Variants in ABCB5 observed in about 807,000 individuals in gnomAD.
The protein encoded by ABCB5 is ATP-binding cassette sub-family B member 5.
In ABCB5, 155 loss-of-function variants were observed where a neutral mutation model predicts 144.2. The observed-to-expected ratio is 1.08, with a 90% CI of 0.94 to 1.23. The LOEUF is 1.23. Ranked by LOEUF, ABCB5 falls within the 50% of genes most tolerant of loss-of-function variation. The pLI is 0.00. For synonymous variants in ABCB5, 610 were observed against 528.6 expected, an observed-to-expected ratio of 1.15 and a Z score of -2.11; for missense variants, 1,830 against 1,520.8, an observed-to-expected ratio of 1.20 and a Z score of -3.38.
At chr7:20,638,358 T>A (rs963208920) in intron 5 of ABCB5, among the ~76,000 whole-genome samples, 3 of 151,556 alleles carry the variant, frequency 2.0e-5, no homozygotes, top group Non-Finnish European at 4.4e-5. Context: ...ATTTTTAATA[T>A]CTTTGTTGAT....
chr7:20,639,585 C>T (rs1209209799), intron 5 of ABCB5, among the ~76,000 whole-genome samples: 1 of 152,122 alleles, frequency 6.6e-6, no homozygotes, highest in African/African-American at 2.4e-5. Context: ...TGTCCCAGAA[C>T]CATTTGTTGA....
In ABCB5 at chr7:20,650,111, G is replaced by A. The variant is rs139633934; in HGVS notation, c.1296G>A (p.Gln432=). The change falls in exon 12 of 28, where the codon CAG becomes CAA. Residue 432 remains glutamine, a synonymous_variant. Transcript: ENST00000404938. ...GCAGTGGGAAGAGTACGGTAGTCCA[G>A]CTTCTGCAGAGGTTATATGATCCGG... ...LNGSGKSTVV[Q]LLQRLYDPDD... is the part of the protein sequence containing the mutation. 1.3e-3 allele frequency: 2,057 copies of A among 1,613,646 alleles called. 4 individuals carry two copies. The highest frequency in any genetic ancestry group is 2.2e-3 in the Admixed American group (130 of 59,984).
intron 4 of ABCB5, among the ~76,000 whole-genome samples, chr7:20,629,916 A>G (rs1042297148): frequency 6.6e-6 from 1 of 152,206 alleles, no homozygotes; most frequent in Admixed American, 6.5e-5. Flanking sequence ...GCAGAAGAGA[A>G]GCAGAAAATT....
intron 14 of ABCB5, 78 bp downstream of exon 14, chr7:20,658,754 T>C: frequency 6.6e-7 from 1 of 1,504,388 alleles, no homozygotes; most frequent in Non-Finnish European, 9.0e-7. Context: ...TATAGATCTG[T>C]AATAGATTAC....
At chr7:20,688,867 A>G (rs1786101894) in intron 16 of ABCB5, among the ~76,000 whole-genome samples, 1 of 152,064 alleles carries the variant, frequency 6.6e-6, no homozygotes, top group South Asian at 2.1e-4. Flanking sequence ...ACTAACAAGG[A>G]CAGAAAACCA....
rs1562573725 is a variant in ABCB5 at position 20,711,832 on chromosome 7, CTTT to C, written c.2421+7026_2421+7028del. 1.1e-4 allele frequency among the ~76,000 whole-genome samples: 6 copies of C among 56,168 alleles called. 1 individual carries two copies. The highest frequency in any genetic ancestry group is 9.6e-4 in the African/African-American group (6 of 6,248). 36.8% of individuals were successfully genotyped at this position (56,168 alleles called of 152,430 possible). A position where few individuals can be genotyped will look rare whatever the true frequency, so the allele number is the denominator to read the frequency against. On this transcript the variant is annotated intron_variant, in intron 20 of 27. Coordinates refer to ENST00000404938, the MANE Select transcript of ABCB5 (RefSeq NM_001163941.2). ...TCTTTCTTTCTTTCTTTCTTTCTTTCTTTCTTTCTTTCTTTTCTTTCTTTCTTT... is the reference window on the plus strand; with the variant it reads ...TCTTTCTTTCTTTCTTTCTTTCTTTCCTTTCTTTCTTTTCTTTCTTTCTTT...
At chr7:20,641,783 C>T (rs1349888430) in intron 5 of ABCB5, 1 of 152,302 alleles carries the variant, frequency 6.6e-6, no homozygotes, top group African/African-American at 2.4e-5. Flanking sequence ...AGGTCAAATT[C>T]TCATAATCTA....
At chr7:20,655,786 T>G (rs2128028391) in intron 13 of ABCB5, among the ~76,000 whole-genome samples, 1 of 152,374 alleles carries the variant, frequency 6.6e-6, no homozygotes, top group East Asian at 1.9e-4. Flanking sequence ...TTTTTATGTG[T>G]ATGTGTAGAA....
chr7:20,642,459 CA>C, intron 5 of ABCB5, among the ~76,000 whole-genome samples: 1 of 152,312 alleles, frequency 6.6e-6, no homozygotes, highest in Non-Finnish European at 1.5e-5. Context: ...CTAGCTCTCC[CA>C]ACCCATGTTT....
intron 14 of ABCB5, chr7:20,667,266 A>G: frequency 1.0e-6 from 1 of 983,560 alleles, no homozygotes; most frequent in Non-Finnish European, 1.2e-6. Context: ...CAAAGTAAAG[A>G]TGACACAGAT....
intron 16 of ABCB5, among the ~76,000 whole-genome samples, chr7:20,691,271 G>A (rs1047588014): frequency 4.1e-5 from 5 of 122,538 alleles, no homozygotes; most frequent in African/African-American, 6.1e-5. Flanking sequence ...CGCAAACTCC[G>A]CCTCCCGAAA....
intron 23 of ABCB5, among the ~76,000 whole-genome samples, chr7:20,731,317 C>A (rs1380654084): frequency 1.3e-5 from 2 of 148,426 alleles, no homozygotes; most frequent in Non-Finnish European, 1.5e-5. Context: ...CACACCACTG[C>A]ACTCCAGCCT....
chr7:20,755,298 T>A, intron 27 of ABCB5, 129 bp from the exon 28 acceptor site: 1 of 708,072 alleles, frequency 1.4e-6, no homozygotes, highest in Non-Finnish European at 2.3e-6. Flanking sequence ...ATTTTACAAG[T>A]AGGGCAGTTC....
At chr7:20,733,888 C>T (rs148403905) in intron 23 of ABCB5, among the ~76,000 whole-genome samples, 102 of 152,238 alleles carry the variant, frequency 6.7e-4, no homozygotes, top group Middle Eastern at 3.4e-3. Context: ...GATCCACCTC[C>T]CTTAGCCTCC....
chr7:20,753,796 G>A (rs548435302), intron 27 of ABCB5, among the ~76,000 whole-genome samples: 5 of 152,296 alleles, frequency 3.3e-5, no homozygotes, highest in African/African-American at 1.2e-4. Context: ...TTCAAGGAAA[G>A]AGCCCAAGAA....
At chr7:20,673,701 T>C (rs1224623271) in intron 14 of ABCB5, among the ~76,000 whole-genome samples, 2 of 152,098 alleles carry the variant, frequency 1.3e-5, no homozygotes, top group Admixed American at 6.5e-5. Context: ...GGTCTTGCTT[T>C]TGTATTCAAA....
chr7:20,720,178 T>G (rs1218977090), intron 20 of ABCB5, among the ~76,000 whole-genome samples: 2 of 152,212 alleles, frequency 1.3e-5, no homozygotes, highest in Non-Finnish European at 2.9e-5. Flanking sequence ...CTGATAGGTA[T>G]ATGTCAAAGG....
Position 20,615,804 on chromosome 7 carries a change from G to A in ABCB5, c.-55G>A, listed in dbSNP as rs927274179. The A allele has an allele frequency of 6.6e-6, 1 of 152,330 alleles. No individual in the cohort carries two copies. The highest frequency in any genetic ancestry group is 2.1e-4 in the South Asian group (1 of 4,818). The allele number at this position is 152,330 out of a possible 1,614,324, so 9.4% of individuals were successfully genotyped here. On this transcript the variant is annotated 5_prime_UTR_variant, in exon 1 of 28. An upstream start codon of the reference 5' UTR is lost. Transcript: ENST00000404938. ...TCTTAAGGACTTCAACTGACTGGATGGGGCCCACTCAAAACAGCATCTAAG... is the reference window on the plus strand; with the variant it reads ...TCTTAAGGACTTCAACTGACTGGATAGGGCCCACTCAAAACAGCATCTAAG...
intron 25 of ABCB5, 150 bp from the exon 26 acceptor site, chr7:20,745,082 T>C (rs1782677259): frequency 2.5e-6 from 2 of 800,826 alleles, no homozygotes; most frequent in African/African-American, 1.7e-5. Flanking sequence ...AACGTATGAT[T>C]TATGAGCCTT....
Sources: gnomAD v4.1 joint callset for allele counts (sites outside exome capture counted in the v4.1 genomes callset) on GRCh38, gnomAD v4.1.1 for gene constraint, MANE v1.5 for transcripts, NCBI Gene and HGNC (gene_info 2026-07-23, HGNC 2026-07-21) for gene names.